Variants in AUH observed in about 807,000 individuals in gnomAD.
AUH encodes the protein methylglutaconyl-CoA hydratase, mitochondrial.
A neutral mutation model predicts 42.3 loss-of-function variants in AUH; 29 were observed. That is an observed-to-expected ratio of 0.69 (90% CI 0.51 to 0.93). AUH has a LOEUF of 0.93. AUH is among the 40% of genes least tolerant of loss of function. The pLI is 0.00. For synonymous variants in AUH, 174 were observed against 166.4 expected (o/e 1.05, Z -0.35); for missense variants, 452 against 438.1 (o/e 1.03, Z -0.28).
chr9:91,291,308 T>TG (rs961669108), intron 6 of AUH, among the ~76,000 whole-genome samples: 14 of 147,632 alleles, frequency 9.5e-5, no homozygotes, highest in African/African-American at 2.2e-4. Flanking sequence ...TGGTGTCTGT[T>TG]GGGGGGGTGG....
intron 6 of AUH, among the ~76,000 whole-genome samples, chr9:91,295,568 A>G (rs1396295433): frequency 1.3e-5 from 2 of 152,178 alleles, no homozygotes; most frequent in East Asian, 3.9e-4. Context: ...CAGCACCTCC[A>G]CACTCCAGCA....
intron 6 of AUH, among the ~76,000 whole-genome samples, chr9:91,289,789 CAGA>C (rs1286392007): frequency 3.9e-5 from 6 of 152,194 alleles, no homozygotes; most frequent in South Asian, 2.1e-4. Flanking sequence ...GTGGATGGAG[CAGA>C]AGAAGATTTT....
chr9:91,308,462 C>T (rs142592230), intron 4 of AUH, among the ~76,000 whole-genome samples: 2 of 152,318 alleles, frequency 1.3e-5, no homozygotes, highest in East Asian at 3.9e-4. Context: ...CATTCTCCAC[C>T]ATTCTTGATG....
At chr9:91,277,089 C>T (rs930358939) in intron 6 of AUH, among the ~76,000 whole-genome samples, 2 of 152,106 alleles carry the variant, frequency 1.3e-5, no homozygotes, top group African/African-American at 4.8e-5. Context: ...ACTTGGAATG[C>T]CGAGATGGGA....
At chr9:91,356,255 C>G in intron 1 of AUH, 100 bp from the exon 2 acceptor site, 1 of 936,252 alleles carries the variant, frequency 1.1e-6, no homozygotes, top group South Asian at 1.4e-5. Context: ...CTTAACAAAT[C>G]AAAGAAATTC....
At chr9:91,342,997 T>C (rs1831219382) in intron 3 of AUH, 1 of 152,142 alleles carries the variant, frequency 6.6e-6, no homozygotes, top group Non-Finnish European at 1.5e-5. Context: ...TTAGTAACAT[T>C]TTCTTTTCTT....
intron 3 of AUH, among the ~76,000 whole-genome samples, chr9:91,348,081 C>CA (rs201981961): frequency 0.022 from 3,054 of 139,748 alleles, 86 homozygotes; most frequent in African/African-American, 0.065. Flanking sequence ...TAAAAAAAAA[C>CA]AAAAAAAAAA....
chr9:91,355,841 T>C lies in AUH; in HGVS notation c.418+42A>G, dbSNP rs1292741356. On this transcript the variant is annotated intron_variant, in intron 3 of 9. Coordinates refer to ENST00000375731, the MANE Select transcript of AUH (RefSeq NM_001698.3). The stretch of plus-strand genomic sequence containing the variant: ...AAAACAGATTACTATTGAGGAAAAA[T>C]CAGACTACAGTTTAATTTCATAATA... 5.2e-6 allele frequency: 8 copies of C among 1,551,128 alleles called. No homozygotes were observed. The Admixed American group carries it at 1.3e-4, about 26-fold the overall frequency.
At chr9:91,296,166 T>C (rs1769270951) in intron 5 of AUH, 89 bp from the exon 6 acceptor site, 1 of 1,270,140 alleles carries the variant, frequency 7.9e-7, no homozygotes, top group South Asian at 1.3e-5. Context: ...TACTAAAATA[T>C]TGTTTACTAA....
intron 6 of AUH, among the ~76,000 whole-genome samples, chr9:91,262,976 G>A (rs189624049): frequency 6.6e-6 from 1 of 152,300 alleles, no homozygotes; most frequent in Admixed American, 6.5e-5. Flanking sequence ...TTTCTTGAGT[G>A]TTGCAGGCAC....
At chr9:91,303,444 C>A (rs892403672) in intron 4 of AUH, among the ~76,000 whole-genome samples, 7 of 152,072 alleles carry the variant, frequency 4.6e-5, no homozygotes, top group African/African-American at 1.7e-4. Context: ...CATTCTCCTG[C>A]CTCAGTCTCC....
intron 4 of AUH, among the ~76,000 whole-genome samples, chr9:91,312,553 C>G (rs1295091410): frequency 6.6e-6 from 1 of 152,162 alleles, no homozygotes. Flanking sequence ...CATGGCGAAA[C>G]CCTGTCTCTA....
intron 8 of AUH, 150 bp downstream of exon 8, chr9:91,217,127 G>T: frequency 2.6e-6 from 2 of 780,032 alleles, no homozygotes; most frequent in Non-Finnish European, 4.1e-6. Context: ...TGACGTACTT[G>T]CAAGGAACTT....
chr9:91,351,453 G>A (rs1389413879), intron 3 of AUH, among the ~76,000 whole-genome samples: 4 of 152,218 alleles, frequency 2.6e-5, no homozygotes, highest in Admixed American at 6.5e-5. Flanking sequence ...TCTAATGAGC[G>A]CATCGGTATA....
chr9:91,228,229 C>G (rs964503832), intron 6 of AUH, among the ~76,000 whole-genome samples: 18 of 152,158 alleles, frequency 1.2e-4, no homozygotes, highest in Non-Finnish European at 2.1e-4. Flanking sequence ...CACAATTTCA[C>G]ATCCTGTTAT....
intron 3 of AUH, among the ~76,000 whole-genome samples, chr9:91,349,637 GTGTA>G (rs1297623481): frequency 1.3e-5 from 2 of 150,762 alleles, no homozygotes; most frequent in Admixed American, 6.6e-5. Context: ...TTGTGTGTGT[GTGTA>G]TGTGTGTGTG....
chr9:91,352,701 A>G (rs1832083804), intron 3 of AUH, among the ~76,000 whole-genome samples: 1 of 152,210 alleles, frequency 6.6e-6, no homozygotes, highest in Non-Finnish European at 1.5e-5. Flanking sequence ...ATTTACTATC[A>G]GTAAATAGGA....
At chr9:91,312,384 T>C (rs1828766590) in intron 4 of AUH, among the ~76,000 whole-genome samples, 2 of 152,206 alleles carry the variant, frequency 1.3e-5, no homozygotes, top group African/African-American at 2.4e-5. Context: ...TCAGTACTAA[T>C]ACTGCCACAA....
At chr9:91,242,641 T>C (rs1205211239) in intron 6 of AUH, among the ~76,000 whole-genome samples, 1 of 152,218 alleles carries the variant, frequency 6.6e-6, no homozygotes. Flanking sequence ...CTGAATTAAC[T>C]GTAATAACTG....
Sources: allele counts gnomAD v4.1 joint callset (sites outside exome capture counted in the v4.1 genomes callset), GRCh38; gene constraint gnomAD v4.1.1; transcripts MANE v1.5; gene names NCBI Gene and HGNC (gene_info 2026-07-23, HGNC 2026-07-21).